The following STK38 variants were observed in gnomAD, a reference collection of about 807,000 sequenced individuals.
STK38 encodes the protein serine/threonine kinase 38.
Under a neutral mutation model 59.0 loss-of-function variants are expected in STK38, and 26 were observed. The ratio of observed to expected loss-of-function variants is 0.44; its 90% confidence interval spans 0.32 to 0.61. STK38 has a LOEUF of 0.61. STK38 is among the 20% of genes least tolerant of loss of function. The probability of loss-of-function intolerance (pLI) is 0.04; values close to 1 mark genes in which losing one functional copy is unlikely to be tolerated. For synonymous variants in STK38, 175 were observed against 176.6 expected (o/e 0.99, Z 0.07); for missense variants, 433 against 566.0 (o/e 0.76, Z 2.38).
In STK38 at chr6:36,528,208, T is replaced by C. The variant is rs1777580547; in HGVS notation, c.132-2566A>G. Among the ~76,000 whole-genome samples the C allele has an allele frequency of 2.0e-5, 3 of 152,096 alleles. No individual in the cohort carries two copies. In the South Asian group the frequency reaches 6.2e-4, roughly 31 times the overall value. ...CAAATGCCACACCAAGAAGGTTGGA[T>C]CTCATTCTGTAGACAACTGAGTGCT... On this transcript the variant is annotated intron_variant, in intron 2 of 13. Coordinates refer to ENST00000229812, the MANE Select transcript of STK38 (RefSeq NM_007271.4).
chr6:36,545,454 C>T (rs1191246374), intron 1 of STK38, among the ~76,000 whole-genome samples: 2 of 151,964 alleles, frequency 1.3e-5, no homozygotes, highest in South Asian at 4.2e-4. Context: ...AATATTAGAC[C>T]AACAAATTCT....
intron 8 of STK38, among the ~76,000 whole-genome samples, 183 bp downstream of exon 8, chr6:36,507,317 G>T (rs1319420920): frequency 6.6e-6 from 1 of 151,864 alleles, no homozygotes; most frequent in Non-Finnish European, 1.5e-5. Flanking sequence ...CACACACTTG[G>T]TACCCACTCA....
Position 36,511,598 on chromosome 6 carries a change from C to T in STK38, c.669+3740G>A, listed in dbSNP as rs903676621. Among the ~76,000 whole-genome samples, 4 of 151,314 alleles carry T rather than the reference C, an allele frequency of 2.6e-5. No homozygotes were observed. In the South Asian group the frequency reaches 8.4e-4, roughly 32 times the overall value. Reference sequence around the variant, plus strand: ...GTCTTGAACTCCTGACCTCATGATCCACCCACCTCGGCCTCCCAAAAAGCT... The same window carrying T: ...GTCTTGAACTCCTGACCTCATGATCTACCCACCTCGGCCTCCCAAAAAGCT... On this transcript the variant is annotated intron_variant, in intron 7 of 13. Coordinates refer to ENST00000229812, the MANE Select transcript of STK38 (RefSeq NM_007271.4).
intron 8 of STK38, 46 bp from the exon 9 acceptor site, chr6:36,506,690 G>T: frequency 6.4e-7 from 1 of 1,571,780 alleles, no homozygotes. Context: ...AGACCAAAAT[G>T]TTTACTACTT....
intron 9 of STK38, among the ~76,000 whole-genome samples, chr6:36,502,514 G>A (rs1483203555): frequency 6.6e-6 from 1 of 151,952 alleles, no homozygotes; most frequent in East Asian, 1.9e-4. Flanking sequence ...TTTGTATACT[G>A]CAAGTATCTT....
At chr6:36,539,258 C>A (rs1777873709) in intron 2 of STK38, among the ~76,000 whole-genome samples, 1 of 151,710 alleles carries the variant, frequency 6.6e-6, no homozygotes, top group African/African-American at 2.4e-5. Flanking sequence ...TGGTGGCTCA[C>A]ACCTGTAGTC....
intron 6 of STK38, among the ~76,000 whole-genome samples, chr6:36,516,153 A>G (rs1021279381): frequency 6.6e-6 from 1 of 152,244 alleles, no homozygotes; most frequent in Admixed American, 6.5e-5. Context: ...GTGCGTTATT[A>G]TAGGTATTTA....
intron 1 of STK38, among the ~76,000 whole-genome samples, chr6:36,544,196 A>T (rs1778006441): frequency 6.6e-6 from 1 of 152,206 alleles, no homozygotes; most frequent in Non-Finnish European, 1.5e-5. Context: ...TGCCAAAAAG[A>T]TCAGTAAAAA....
In STK38 at chr6:36,495,733, A is replaced by G; in HGVS notation, c.*51T>C. The G allele has an allele frequency of 6.2e-7, 1 of 1,609,906 alleles. No homozygotes were observed. The highest frequency in any genetic ancestry group is 8.5e-7 in the Non-Finnish European group (1 of 1,177,272). On this transcript the variant is annotated 3_prime_UTR_variant, in exon 14 of 14. Transcript: ENST00000229812. ...TCTTCAAGAGTGTGAGAGGAAAAGC[A>G]TGATGTTATACAAAGAACTCTGCTC...
chr6:36,541,656 C>G (rs566438058), intron 1 of STK38, among the ~76,000 whole-genome samples: 203 of 152,210 alleles, frequency 1.3e-3, no homozygotes, highest in Non-Finnish European at 2.4e-3. Flanking sequence ...TCTAAGTCAA[C>G]AGAACACATT....
rs1442522138 is a variant in STK38 at position 36,507,598 on chromosome 6, T to C, written c.674A>G (p.His225Arg). The change falls in exon 8 of 14, where the codon CAT becomes CGT. Residue 225 changes from histidine to arginine, a missense_variant. Coordinates refer to ENST00000229812, the MANE Select transcript of STK38 (RefSeq NM_007271.4). ...PDNLLLDSKG[H>R]VKLSDFGLCT... Reference sequence around the variant, plus strand: ...AAGACCAAAGTCAGAAAGTTTCACATGGCCCTATGGGGAAGAAACAAGGTG... The same window carrying C: ...AAGACCAAAGTCAGAAAGTTTCACACGGCCCTATGGGGAAGAAACAAGGTG... 6.2e-7 allele frequency: 1 copy of C among 1,613,432 alleles called. No individual in the cohort carries two copies. Among genetic ancestry groups the C allele is most frequent in the Non-Finnish European group, 8.5e-7 (1 of 1,179,546 alleles).
chr6:36,496,293 C>T (rs1032038029), intron 13 of STK38, among the ~76,000 whole-genome samples: 6 of 152,126 alleles, frequency 3.9e-5, no homozygotes, highest in African/African-American at 1.2e-4. Context: ...CTGCCCACCT[C>T]GGCCTCCCAA....
At chr6:36,543,736 G>A (rs1046020476) in intron 1 of STK38, among the ~76,000 whole-genome samples, 1 of 152,056 alleles carries the variant, frequency 6.6e-6, no homozygotes, top group African/African-American at 2.4e-5. Flanking sequence ...CCGCCTCCTG[G>A]GTTCAAGCGA....
chr6:36,546,090 T>C (rs1258742271), intron 1 of STK38, among the ~76,000 whole-genome samples: 1 of 152,148 alleles, frequency 6.6e-6, no homozygotes, highest in Non-Finnish European at 1.5e-5. Flanking sequence ...ATGTCTAATC[T>C]CTCCCACTGA....
Position 36,525,316 on chromosome 6 carries a change from C to T in STK38, c.183+275G>A, listed in dbSNP as rs77778715. Among the ~76,000 whole-genome samples, 485 of 143,010 alleles carry T rather than the reference C, an allele frequency of 3.4e-3. 1 individual carries two copies. The highest frequency in any genetic ancestry group is 0.012 in the African/African-American group (463 of 37,634). 93.8% of individuals were successfully genotyped at this position (143,010 alleles called of 152,430 possible). ...AATTCTATAAAAATGCTACAACTTGCTCTTTTAAAATTTAATTTGATTTCA... is the reference window on the plus strand; with the variant it reads ...AATTCTATAAAAATGCTACAACTTGTTCTTTTAAAATTTAATTTGATTTCA... On this transcript the variant is annotated intron_variant, in intron 3 of 13. Transcript: ENST00000229812.
intron 8 of STK38, among the ~76,000 whole-genome samples, chr6:36,506,970 A>G (rs572244847): frequency 5.3e-5 from 8 of 152,380 alleles, no homozygotes; most frequent in African/African-American, 1.7e-4. Context: ...GACCTAAAAC[A>G]GTCACAATTT....
At chr6:36,509,220 C>A (rs1215030749) in intron 7 of STK38, among the ~76,000 whole-genome samples, 1 of 152,192 alleles carries the variant, frequency 6.6e-6, no homozygotes, top group African/African-American at 2.4e-5. Flanking sequence ...AGGAGCTTTA[C>A]TGAGCGACAG....
At chr6:36,537,067 C>T (rs1354009367) in intron 2 of STK38, among the ~76,000 whole-genome samples, 6 of 151,994 alleles carry the variant, frequency 3.9e-5, no homozygotes, top group Admixed American at 3.9e-4. Context: ...AGAACTCCTG[C>T]AACTCAATAA....
At chr6:36,507,755 A>C (rs1777001909) in intron 7 of STK38, among the ~76,000 whole-genome samples, 153 bp from the exon 8 acceptor site, 1 of 152,186 alleles carries the variant, frequency 6.6e-6, no homozygotes, top group Non-Finnish European at 1.5e-5. Flanking sequence ...ATTGCAGATA[A>C]ATTTTTTAAT....
Sources: gnomAD v4.1 joint callset for allele counts (sites outside exome capture counted in the v4.1 genomes callset) on GRCh38, gnomAD v4.1.1 for gene constraint, MANE v1.5 for transcripts, NCBI Gene and HGNC (gene_info 2026-07-23, HGNC 2026-07-21) for gene names.